PARD3B: variants seen among roughly 807,000 people sequenced by gnomAD.
The protein encoded by PARD3B is par-3 family cell polarity regulator beta.
A neutral mutation model predicts 130.2 loss-of-function variants in PARD3B; 103 were observed. That is an observed-to-expected ratio of 0.79 (90% CI 0.67 to 0.93). The LOEUF is 0.93. Ranked by LOEUF, PARD3B falls within the 40% of genes least tolerant of loss-of-function variation. The pLI, the probability that PARD3B is intolerant of heterozygous loss-of-function variation, is 0.00. For synonymous variants in PARD3B, 583 were observed against 553.2 expected (o/e 1.05, Z -0.76); for missense variants, 1,609 against 1,499.2 (o/e 1.07, Z -1.21).
At chr2:205,293,835 T>G (rs1352123707) in intron 16 of PARD3B, 1 of 152,178 alleles carries the variant, frequency 6.6e-6, no homozygotes, top group Non-Finnish European at 1.5e-5. Flanking sequence ...ACCTTCATGT[T>G]CCTTTTTTCC....
intron 2 of PARD3B, among the ~76,000 whole-genome samples, chr2:204,810,084 A>T (rs1353442263): frequency 2.0e-5 from 3 of 148,842 alleles, no homozygotes; most frequent in African/African-American, 4.9e-5. Flanking sequence ...TTTAACATTG[A>T]TTTTTTTTTT....
At position 205,162,324 on chromosome 2, in the gene PARD3B, C is replaced by T. The variant is rs370916706; in HGVS notation, c.1620+3417C>T. Among the ~76,000 whole-genome samples, 9 of 152,322 alleles carry T rather than the reference C, an allele frequency of 5.9e-5. No homozygotes were observed. The East Asian group carries it at 1.7e-3, about 29-fold the overall frequency. On this transcript the variant is annotated intron_variant, in intron 11 of 22. Coordinates refer to ENST00000406610, the MANE Select transcript of PARD3B (RefSeq NM_001302769.2). ...TCTGTGCATGCATCAGGCTGCACCA[C>T]TTTTGATTACAGGCTGTTTTGTCAT...
At chr2:205,098,193 G>A (rs1373651583) in intron 4 of PARD3B, among the ~76,000 whole-genome samples, 1 of 152,140 alleles carries the variant, frequency 6.6e-6, no homozygotes, top group African/African-American at 2.4e-5. Flanking sequence ...TCTGTATAAT[G>A]TTTCTATTAC....
rs1216247408 is a variant in PARD3B at position 205,253,612 on chromosome 2, T to G, written c.2185+7790T>G. The G allele has an allele frequency of 2.6e-6, 1 of 382,266 alleles. No homozygotes were observed. The highest frequency in any genetic ancestry group is 5.1e-6 in the Non-Finnish European group (1 of 194,706). The allele number at this position is 382,266 out of a possible 1,614,324, so 23.7% of individuals were successfully genotyped here. ...CAGAAAGACAGAGAAAGAAGCCTCCTTGGGGTTCCATTACCCACACTCCAA... is the reference window on the plus strand; with the variant it reads ...CAGAAAGACAGAGAAAGAAGCCTCCGTGGGGTTCCATTACCCACACTCCAA... On this transcript the variant is annotated intron_variant, in intron 16 of 22. Coordinates refer to ENST00000406610, the MANE Select transcript of PARD3B (RefSeq NM_001302769.2). This position sits in a 1 kb window ranked among gnomAD's most constrained non-coding sequence, Gnocchi z 4.4.
intron 20 of PARD3B, among the ~76,000 whole-genome samples, chr2:205,485,958 G>C (rs1439173460): frequency 6.6e-6 from 1 of 152,128 alleles, no homozygotes; most frequent in African/African-American, 2.4e-5. Context: ...ACATTGCACT[G>C]TCATTATTTA....
At chr2:205,522,057 T>C (rs2051087396) in intron 21 of PARD3B, among the ~76,000 whole-genome samples, 1 of 151,812 alleles carries the variant, frequency 6.6e-6, no homozygotes, top group African/African-American at 2.4e-5. Flanking sequence ...TTATATCTCT[T>C]TGAGATTTTT....
At chr2:205,002,059 C>T (rs991497796) in intron 3 of PARD3B, among the ~76,000 whole-genome samples, 7 of 152,136 alleles carry the variant, frequency 4.6e-5, no homozygotes, top group Non-Finnish European at 7.3e-5. Context: ...TAAGTAGCTA[C>T]GATTAACATT....
At chr2:205,035,505 G>T (rs1334913986) in intron 3 of PARD3B, among the ~76,000 whole-genome samples, 1 of 151,872 alleles carries the variant, frequency 6.6e-6, no homozygotes. Flanking sequence ...AGTAGCTCTG[G>T]CTTTGTGCAT....
At position 204,965,324 on chromosome 2, in the gene PARD3B, G is replaced by C; in HGVS notation, c.394+1G>C. On this transcript the variant is annotated splice_donor_variant, in intron 3 of 22. Coordinates refer to ENST00000406610, the MANE Select transcript of PARD3B (RefSeq NM_001302769.2). LOFTEE classifies it high-confidence loss of function. Reference sequence around the variant, plus strand: ...GTAACCCCTTCTGCTCTAAAACTAGGTATGTGTAATGTTTATGATATTCTT... The same window carrying C: ...GTAACCCCTTCTGCTCTAAAACTAGCTATGTGTAATGTTTATGATATTCTT... 6.2e-7 allele frequency: 1 copy of C among 1,613,238 alleles called. No individual in the cohort carries two copies. Among genetic ancestry groups the C allele is most frequent in the Non-Finnish European group, 8.5e-7 (1 of 1,179,460 alleles).
chr2:204,989,807 GTA>G (rs1693491803), intron 3 of PARD3B, among the ~76,000 whole-genome samples: 1 of 151,978 alleles, frequency 6.6e-6, no homozygotes, highest in African/African-American at 2.4e-5. Flanking sequence ...TTTCATTGCA[GTA>G]TAGTTTCCTT....
At chr2:205,493,206 A>G (rs554465363) in intron 20 of PARD3B, among the ~76,000 whole-genome samples, 7 of 152,156 alleles carry the variant, frequency 4.6e-5, no homozygotes, top group South Asian at 2.1e-4. Flanking sequence ...TGTTCCCACT[A>G]TGGAAAAAAA....
chr2:204,628,589 A>G (rs1281998320), intron 1 of PARD3B, among the ~76,000 whole-genome samples: 9 of 152,210 alleles, frequency 5.9e-5, no homozygotes, highest in African/African-American at 1.9e-4. Flanking sequence ...TTCAAAACCT[A>G]TCAGTAACTT....
chr2:205,242,828 G>A lies in PARD3B; in HGVS notation c.2141-2950G>A, dbSNP rs975974175. On this transcript the variant is annotated intron_variant, in intron 15 of 22. Coordinates refer to ENST00000406610, the MANE Select transcript of PARD3B (RefSeq NM_001302769.2). The stretch of plus-strand genomic sequence containing the variant: ...TTTTCATTTAGTTCCAACTCTCTGT[G>A]TACTGTTTTTTCCCCCATTTCTCAT... Among the ~76,000 whole-genome samples, 29 of 152,086 alleles carry A rather than the reference G, an allele frequency of 1.9e-4. 1 individual carries two copies. In the South Asian group the frequency reaches 2.5e-3, roughly 13 times the overall value.
intron 10 of PARD3B, among the ~76,000 whole-genome samples, chr2:205,154,021 G>A (rs1324672320): frequency 6.6e-6 from 1 of 152,114 alleles, no homozygotes; most frequent in Non-Finnish European, 1.5e-5. Context: ...AAAAGCAATG[G>A]CAACAAAAGC....
intron 21 of PARD3B, among the ~76,000 whole-genome samples, chr2:205,501,260 C>T (rs573379646): frequency 2.6e-5 from 4 of 152,220 alleles, no homozygotes; most frequent in East Asian, 1.9e-4. Flanking sequence ...TGCAGATGGG[C>T]GATCTCAAGG....
rs1215097347 is a variant in PARD3B, at chr2:205,197,074, T to TGTGA, written c.2140+3755_2140+3756insTGAG. ...GTGTGTGTGTGTGTGTGTGTGTGTGTGAGAGAGAGAGAGAGAGAGCATGCA... is the reference window on the plus strand; with the variant it reads ...GTGTGTGTGTGTGTGTGTGTGTGTGTGTGAGAGAGAGAGAGAGAGAGAGCATGCA... On this transcript the variant is annotated intron_variant, in intron 15 of 22. Transcript: ENST00000406610. Among the ~76,000 whole-genome samples, 1,147 of 143,190 alleles carry TGTGA rather than the reference T, an allele frequency of 8.0e-3. 10 individuals carry two copies. The highest frequency in any genetic ancestry group is 0.012 in the Non-Finnish European group (791 of 65,146). The allele number at this position is 143,190 out of a possible 152,430, so 93.9% of individuals were successfully genotyped here.
intron 15 of PARD3B, among the ~76,000 whole-genome samples, chr2:205,227,181 C>A (rs1200806703): frequency 6.6e-6 from 1 of 152,002 alleles, no homozygotes; most frequent in South Asian, 2.1e-4. Context: ...GTTCTATGAA[C>A]ATCTATTTAG....
chr2:205,314,983 T>C (rs890286965), intron 18 of PARD3B, among the ~76,000 whole-genome samples: 4 of 152,284 alleles, frequency 2.6e-5, no homozygotes, highest in African/African-American at 9.6e-5. Flanking sequence ...GGCCCTTCTT[T>C]TCCACTTCCA....
intron 3 of PARD3B, among the ~76,000 whole-genome samples, chr2:205,024,436 T>C (rs540401655): frequency 7.2e-4 from 110 of 152,266 alleles, no homozygotes; most frequent in African/African-American, 2.6e-3. Flanking sequence ...CCCAAAGTGC[T>C]GGGATTACAG....
Sources: allele counts gnomAD v4.1 joint callset (sites outside exome capture counted in the v4.1 genomes callset), GRCh38; gene constraint gnomAD v4.1.1; non-coding constraint Gnocchi (gnomAD v3.1); transcripts MANE v1.5; gene names NCBI Gene and HGNC (gene_info 2026-07-23, HGNC 2026-07-21).